The following LIN7A variants were observed in gnomAD, a reference collection of about 807,000 sequenced individuals.
The protein encoded by LIN7A is protein lin-7 homolog A.
A neutral mutation model predicts 29.8 loss-of-function variants in LIN7A; 25 were observed. The observed-to-expected ratio is 0.84, with a 90% CI of 0.61 to 1.17. The LOEUF (loss-of-function observed/expected upper bound fraction) is 1.17. Ranked by LOEUF, LIN7A falls within the 50% of genes most tolerant of loss-of-function variation. The probability of loss-of-function intolerance (pLI) is 0.00; values close to 1 mark genes in which losing one functional copy is unlikely to be tolerated. For synonymous variants in LIN7A, 118 were observed against 107.5 expected (o/e 1.10, Z -0.60); for missense variants, 239 against 287.0 (o/e 0.83, Z 1.21).
At chr12:80,880,226 A>T (rs1874954181) in intron 2 of LIN7A, among the ~76,000 whole-genome samples, 1 of 152,188 alleles carries the variant, frequency 6.6e-6, no homozygotes, top group Admixed American at 6.5e-5. Flanking sequence ...CCACCCTACT[A>T]GACCAGAAAA....
At chr12:80,937,571 G>A in intron 1 of LIN7A, 70 bp downstream of exon 1, 1 of 1,178,534 alleles carries the variant, frequency 8.5e-7, no homozygotes, top group Non-Finnish European at 1.1e-6. Flanking sequence ...GTCCCGTTGG[G>A]AATTGGCAGG....
chr12:80,809,436 A>T (rs1871186749), intron 5 of LIN7A, among the ~76,000 whole-genome samples: 1 of 152,258 alleles, frequency 6.6e-6, no homozygotes, highest in South Asian at 2.1e-4. Flanking sequence ...ATTCACAGAC[A>T]TCATAGTGTA....
At chr12:80,811,304 T>C (rs1871272838) in intron 5 of LIN7A, among the ~76,000 whole-genome samples, 161 bp downstream of exon 5, 1 of 152,198 alleles carries the variant, frequency 6.6e-6, no homozygotes, top group South Asian at 2.1e-4. Context: ...TTTTGTTTGA[T>C]TGATTTTGTT....
chr12:80,861,416 A>C (rs1488663162), intron 2 of LIN7A: 1 of 156,020 alleles, frequency 6.4e-6, no homozygotes, highest in African/African-American at 2.4e-5. Flanking sequence ...AGTTGTGCCC[A>C]CATTTGATGG....
intron 2 of LIN7A, among the ~76,000 whole-genome samples, chr12:80,858,942 T>A (rs1461787030): frequency 6.6e-6 from 1 of 152,094 alleles, no homozygotes; most frequent in Non-Finnish European, 1.5e-5. Flanking sequence ...GTCACAGGAG[T>A]CATATCAGCT....
intron 1 of LIN7A, among the ~76,000 whole-genome samples, chr12:80,897,182 C>A (rs1294543663): frequency 1.3e-5 from 2 of 151,550 alleles, no homozygotes; most frequent in African/African-American, 2.4e-5. Flanking sequence ...GTTTTGCCTT[C>A]CTTTCTGTTT....
intron 2 of LIN7A, among the ~76,000 whole-genome samples, chr12:80,887,464 T>C (rs576726281): frequency 6.6e-6 from 1 of 152,288 alleles, no homozygotes; most frequent in African/African-American, 2.4e-5. Flanking sequence ...GGCCTATGTG[T>C]TCTGCTCTCC....
chr12:80,916,048 A>T (rs191607661), intron 1 of LIN7A, among the ~76,000 whole-genome samples: 168 of 152,174 alleles, frequency 1.1e-3, no homozygotes, highest in African/African-American at 3.9e-3. Context: ...AGGGGGAAAA[A>T]ATCCTGTTTA....
intron 1 of LIN7A, among the ~76,000 whole-genome samples, chr12:80,920,099 A>G (rs2120866586): frequency 6.6e-6 from 1 of 152,324 alleles, no homozygotes; most frequent in East Asian, 1.9e-4. Context: ...TTAGGCCCAT[A>G]TAGTAAATAG....
At chr12:80,923,917 TTGAAA>T (rs1316811661) in intron 1 of LIN7A, among the ~76,000 whole-genome samples, 4 of 152,234 alleles carry the variant, frequency 2.6e-5, no homozygotes, top group African/African-American at 9.6e-5. Context: ...TGAAGATTAA[TTGAAA>T]TGAAAGTTTG....
chr12:80,859,320 A>G (rs1213068159), intron 2 of LIN7A, among the ~76,000 whole-genome samples: 3 of 152,180 alleles, frequency 2.0e-5, no homozygotes, highest in Non-Finnish European at 2.9e-5. Context: ...GTTTGATGTC[A>G]TGGTAAAAGA....
chr12:80,929,860 C>T (rs1421238426), intron 1 of LIN7A, among the ~76,000 whole-genome samples: 1 of 152,124 alleles, frequency 6.6e-6, no homozygotes, highest in Non-Finnish European at 1.5e-5. Flanking sequence ...TCAGCAATTA[C>T]TGCTCTTCTC....
chr12:80,845,863 C>A lies in LIN7A; in HGVS notation c.350G>T (p.Gly117Val). Residue 117 changes from glycine to valine, a missense_variant, in exon 4 of 6, where the codon GGC (glycine) becomes GTC (valine). By Grantham distance (109) the Gly-to-Val change is moderately radical. Coordinates refer to ENST00000552864, the MANE Select transcript of LIN7A (RefSeq NM_004664.4). ...TCCTCCCATCACATTAAAACCAAGG[C>A]CTTCATCAGTCTTTGGCAGTTCAAC... ...RVVELPKTDE[G>V]LGFNVMGGKE... 1.2e-6 allele frequency: 2 copies of A among 1,613,400 alleles called. No individual in the cohort carries two copies. The highest frequency in any genetic ancestry group is 1.7e-6 in the Non-Finnish European group (2 of 1,179,822).
intron 4 of LIN7A, among the ~76,000 whole-genome samples, chr12:80,839,581 T>A (rs977872586): frequency 1.3e-5 from 2 of 152,222 alleles, no homozygotes; most frequent in African/African-American, 4.8e-5. Context: ...GTGTAGTTCA[T>A]AGCAATTAAA....
chr12:80,890,071 T>C (rs1875545184), intron 1 of LIN7A, among the ~76,000 whole-genome samples: 1 of 152,160 alleles, frequency 6.6e-6, no homozygotes, highest in Non-Finnish European at 1.5e-5. Context: ...AGAACAGTAC[T>C]AAGCAAGAGT....
At chr12:80,927,649 G>A (rs756992939) in intron 1 of LIN7A, among the ~76,000 whole-genome samples, 3 of 152,116 alleles carry the variant, frequency 2.0e-5, no homozygotes, top group Non-Finnish European at 4.4e-5. Flanking sequence ...TAAACTTAGC[G>A]CCCTAACTAC....
chr12:80,814,874 T>C (rs1871460062), intron 4 of LIN7A, among the ~76,000 whole-genome samples: 1 of 152,208 alleles, frequency 6.6e-6, no homozygotes, highest in African/African-American at 2.4e-5. Context: ...GGTTTGGCTC[T>C]ACTGTCTTTC....
intron 2 of LIN7A, among the ~76,000 whole-genome samples, chr12:80,864,244 G>A (rs1043127585): frequency 5.3e-5 from 8 of 151,776 alleles, no homozygotes; most frequent in African/African-American, 1.9e-4. Context: ...AATACGCAAG[G>A]CTTGACCCCA....
chr12:80,897,649 T>C (rs1429133728), intron 1 of LIN7A, among the ~76,000 whole-genome samples: 1 of 151,760 alleles, frequency 6.6e-6, no homozygotes, highest in East Asian at 1.9e-4. Context: ...CTACTAAAAA[T>C]AGAAAAATTA....
Sources: allele counts gnomAD v4.1 joint callset (sites outside exome capture counted in the v4.1 genomes callset), GRCh38; gene constraint gnomAD v4.1.1; transcripts MANE v1.5; gene names NCBI Gene and HGNC (gene_info 2026-07-23, HGNC 2026-07-21).